Variants in OTOF observed in about 807,000 individuals in gnomAD.
OTOF encodes the protein otoferlin.
A neutral mutation model predicts 236.8 loss-of-function variants in OTOF; 218 were observed. That is an observed-to-expected ratio of 0.92 (90% CI 0.82 to 1.03). OTOF has a LOEUF of 1.03. OTOF is among the 50% of genes least tolerant of loss of function. OTOF has a pLI of 0.00. For synonymous variants in OTOF, 1,041 were observed against 1,072.5 expected (o/e 0.97, Z 0.57); for missense variants, 2,590 against 2,694.4 (o/e 0.96, Z 0.86).
At chr2:26,494,804 G>T in intron 9 of OTOF, 138 bp downstream of exon 9, 3 of 942,982 alleles carry the variant, frequency 3.2e-6, no homozygotes, top group South Asian at 2.7e-5. Context: ...TGTCCTGGGG[G>T]TTGTAACAGG....
intron 14 of OTOF, among the ~76,000 whole-genome samples, chr2:26,481,369 G>A (rs576056396): frequency 2.0e-5 from 3 of 152,252 alleles, no homozygotes; most frequent in East Asian, 1.9e-4. Context: ...GTCCCACCAC[G>A]GTGACCCTGC....
intron 2 of OTOF, among the ~76,000 whole-genome samples, chr2:26,535,484 A>AC (rs1667047695): frequency 6.6e-6 from 1 of 151,836 alleles, no homozygotes; most frequent in Admixed American, 6.6e-5. Flanking sequence ...CTTGCTCCCC[A>AC]CCCCACTAAA....
chr2:26,527,956 A>G (rs746109113), intron 2 of OTOF, 36 bp from the exon 3 acceptor site: 12 of 1,488,612 alleles, frequency 8.1e-6, no homozygotes, highest in Non-Finnish European at 1.1e-5. Context: ...TTCGGTGGCA[A>G]TAACAGGTAG....
At chr2:26,543,903 G>C (rs1490941066) in intron 1 of OTOF, among the ~76,000 whole-genome samples, 3 of 152,096 alleles carry the variant, frequency 2.0e-5, no homozygotes, top group Non-Finnish European at 4.4e-5. Context: ...TATTTTTAGA[G>C]AGACAGGGTT....
intron 3 of OTOF, among the ~76,000 whole-genome samples, chr2:26,526,371 A>T (rs1666804562): frequency 6.6e-6 from 1 of 151,756 alleles, no homozygotes; most frequent in Non-Finnish European, 1.5e-5. Context: ...GGATGGAGGG[A>T]TGGATTGATG....
chr2:26,531,922 G>A (rs984484673), intron 2 of OTOF, among the ~76,000 whole-genome samples: 11 of 151,698 alleles, frequency 7.3e-5, no homozygotes, highest in Admixed American at 3.9e-4. Context: ...GGTGAAACAC[G>A]GTCTCTACTA....
chr2:26,491,476 G>T (rs900030869), intron 9 of OTOF, among the ~76,000 whole-genome samples: 2 of 152,194 alleles, frequency 1.3e-5, no homozygotes, highest in African/African-American at 4.8e-5. Flanking sequence ...GGTCTTCATG[G>T]TTGTACTTAG....
intron 5 of OTOF, among the ~76,000 whole-genome samples, chr2:26,511,252 G>A (rs1176857066): frequency 6.6e-6 from 1 of 152,206 alleles, no homozygotes; most frequent in South Asian, 2.1e-4. Context: ...GCTCTGTGAG[G>A]GTGAGGCAGG....
chr2:26,521,298 A>G (rs1666670610), intron 3 of OTOF, among the ~76,000 whole-genome samples: 2 of 152,220 alleles, frequency 1.3e-5, no homozygotes, highest in South Asian at 2.1e-4. Flanking sequence ...GATCAGGCAC[A>G]TCTTTCTCCA....
intron 46 of OTOF, among the ~76,000 whole-genome samples, chr2:26,458,558 A>C (rs1478960551): frequency 6.6e-6 from 1 of 152,110 alleles, no homozygotes; most frequent in East Asian, 1.9e-4. Context: ...GTCCTTGGTA[A>C]GACTGGTGCT....
Position 26,470,686 on chromosome 2 carries a change from C to CTTA in OTOF, c.3929_3930insTAA (p.Lys1309_Lys1310insAsn). 2.6e-6 allele frequency: 4 copies of CTTA among 1,565,398 alleles called. No individual in the cohort carries two copies. The highest frequency in any genetic ancestry group is 3.5e-6 in the Non-Finnish European group (4 of 1,140,920). On this transcript the variant is annotated inframe_insertion, in exon 32 of 47. Transcript: ENST00000272371. The surrounding 1 kb of genome is among the most constrained non-coding windows in gnomAD (Gnocchi z 4.3). Reference sequence around the variant, plus strand: ...CCTCCTCTGGCTCCTCCGCAGTGCCCTTCTTCTTCTTCTTCTTCTCCTTCT... The same window carrying CTTA: ...CCTCCTCTGGCTCCTCCGCAGTGCCCTTATTCTTCTTCTTCTTCTTCTCCTTCT...
intron 3 of OTOF, among the ~76,000 whole-genome samples, chr2:26,521,507 C>A (rs2148105957): frequency 6.6e-6 from 1 of 152,304 alleles, no homozygotes; most frequent in Non-Finnish European, 1.5e-5. Context: ...TTGTCCAGCG[C>A]CCCTTCCAGG....
Position 26,460,310 on chromosome 2 carries a change from G to T in OTOF, c.5814-105C>A. 1 of 918,468 alleles carries T rather than the reference G, an allele frequency of 1.1e-6. No individual in the cohort carries two copies. The highest frequency in any genetic ancestry group is 1.7e-6 in the Non-Finnish European group (1 of 580,124). 56.9% of individuals were successfully genotyped at this position (918,468 alleles called of 1,614,324 possible). On this transcript the variant is annotated intron_variant, in intron 45 of 46. Transcript: ENST00000272371. The surrounding 1 kb of genome is among the most constrained non-coding windows in gnomAD (Gnocchi z 5.3). ...AGGGAAGCTGTCCTGGGCTGTGTGT[G>T]CAGTTCTAGGCACCCCTCTGGCCAT...
chr2:26,482,548 A>T lies in OTOF; in HGVS notation c.1437T>A (p.Asn479Lys), dbSNP rs757298503. 2 of 1,613,294 alleles carry T rather than the reference A, an allele frequency of 1.2e-6. No homozygotes were observed. Among genetic ancestry groups the T allele is most frequent in the African/African-American group, 2.7e-5 (2 of 74,934 alleles). Residue 479 changes from asparagine (N) to lysine (K), a missense_variant, in exon 14 of 47, where the codon AAT becomes AAA. By Grantham distance (94) the Asn-to-Lys change is moderately conservative. Coordinates refer to ENST00000272371, the MANE Select transcript of OTOF (RefSeq NM_194248.3). Reference sequence around the variant, plus strand: ...AGAGGTCTGTAAAGACGACCTGCTCATTCCACAGGGGCTCATAGCTGCTCT... The same window carrying T: ...AGAGGTCTGTAAAGACGACCTGCTCTTTCCACAGGGGCTCATAGCTGCTCT... The part of the protein sequence containing the change: ...VQKSSYEPLW[N>K]EQVVFTDLFP...
rs1313602506 is a variant in OTOF at position 26,523,289 on chromosome 2, T to C, written c.228-4180A>G. Among the ~76,000 whole-genome samples the C allele has an allele frequency of 3.3e-5, 5 of 152,212 alleles. No individual in the cohort carries two copies. In the South Asian group the frequency reaches 6.2e-4, roughly 19 times the overall value. ...CAAGGTTCCTGGACACAGGTCTTTG[T>C]TCCAAACGGGGCCAAGCAGACCTGG... On this transcript the variant is annotated intron_variant, in intron 3 of 46. Coordinates refer to ENST00000272371, the MANE Select transcript of OTOF (RefSeq NM_194248.3).
chr2:26,460,911 G>C lies in OTOF; in HGVS notation c.5653C>G (p.Arg1885Gly), dbSNP rs566390790. The change falls in exon 44 of 47, where the codon CGC becomes GGC. Residue 1885 changes from arginine to glycine, a missense_variant. This residue lies in a region of OTOF where 1,211 missense variants were observed against 1,352.8 expected (regional missense o/e 0.90). Coordinates refer to ENST00000272371, the MANE Select transcript of OTOF (RefSeq NM_194248.3). This position sits in a 1 kb window ranked among gnomAD's most constrained non-coding sequence, Gnocchi z 5.3. ...AGGAGGGGCCACCAGCCTTTGACGC[G>C]CTTTTGCTTGAAGATGGACACGAGG... ...VPLVSIFKQK[R>G]VKGWWPLLAR... The C allele has an allele frequency of 6.2e-7, 1 of 1,614,014 alleles. No homozygotes were observed. The highest frequency in any genetic ancestry group is 1.3e-5 in the African/African-American group (1 of 74,920).
chr2:26,499,507 T>C (rs898076938), intron 8 of OTOF, among the ~76,000 whole-genome samples: 2 of 152,172 alleles, frequency 1.3e-5, no homozygotes, highest in African/African-American at 4.8e-5. Flanking sequence ...ATTTATTTAT[T>C]TATTTTTAAT....
chr2:26,553,122 AG>A (rs1667503715), intron 1 of OTOF, among the ~76,000 whole-genome samples: 1 of 152,204 alleles, frequency 6.6e-6, no homozygotes, highest in East Asian at 1.9e-4. Flanking sequence ...AGCCAACAGT[AG>A]GGGGACATCT....
Position 26,474,518 on chromosome 2 carries a change from G to T in OTOF, c.3283C>A (p.Leu1095Met). 1 of 1,604,504 alleles carries T rather than the reference G, an allele frequency of 6.2e-7. No individual in the cohort carries two copies. The highest frequency in any genetic ancestry group is 2.2e-5 in the East Asian group (1 of 44,458). Residue 1095 changes from leucine (L) to methionine (M), a missense_variant, in exon 26 of 47, where the codon CTG becomes ATG. Around this residue, in one of 2 missense-constraint regions of OTOF, gnomAD observed 1,211 missense variants for 1,352.8 expected, o/e 0.90. Coordinates refer to ENST00000272371, the MANE Select transcript of OTOF (RefSeq NM_194248.3). ...AGDLLAAFEL[L>M]QIGPAGKADL... ...CCTCTTCCCTGCAGTCCCACCTGCA[G>T]CAGCTCGAAGGCCGCCAGCAGGTCT...
Sources: allele counts gnomAD v4.1 joint callset (sites outside exome capture counted in the v4.1 genomes callset), GRCh38; gene constraint gnomAD v4.1.1; regional missense constraint gnomAD v4.1.1; non-coding constraint Gnocchi (gnomAD v3.1); transcripts MANE v1.5; gene names NCBI Gene and HGNC (gene_info 2026-07-23, HGNC 2026-07-21).